The following DMP1 variants were observed in gnomAD, a reference collection of about 807,000 sequenced individuals.
The protein encoded by DMP1 is dentin matrix acidic phosphoprotein 1.
In DMP1, 20 loss-of-function variants were observed where a neutral mutation model predicts 14.6. The observed-to-expected ratio is 1.37, with a 90% CI of 0.96 to 1.99. The LOEUF (loss-of-function observed/expected upper bound fraction) is 1.99. Among genes scored for constraint, DMP1 ranks in the 30% most tolerant of loss-of-function variants. The probability of loss-of-function intolerance (pLI) is 0.00; values close to 1 mark genes in which losing one functional copy is unlikely to be tolerated. For synonymous variants in DMP1, 197 were observed against 215.3 expected (o/e 0.91, Z 0.75); for missense variants, 567 against 620.5 (o/e 0.91, Z 0.92).
chr4:87,659,118 C>A, intron 3 of DMP1, 102 bp from the exon 4 acceptor site: 1 of 1,247,062 alleles, frequency 8.0e-7, no homozygotes, highest in Non-Finnish European at 1.2e-6. Context: ...AGATCTCTAC[C>A]AAGAAACTAA....
intron 5 of DMP1, 142 bp downstream of exon 5, chr4:87,659,620 G>A: frequency 2.4e-6 from 2 of 838,904 alleles, no homozygotes; most frequent in Admixed American, 2.1e-5. Context: ...TATAAAGTAA[G>A]AAGAGAAAAA....
intron 1 of DMP1, among the ~76,000 whole-genome samples, chr4:87,651,424 T>A (rs1348844403): frequency 6.6e-6 from 1 of 152,154 alleles, no homozygotes; most frequent in African/African-American, 2.4e-5. Context: ...GAATTGGATT[T>A]TTTTTTGGTT....
In DMP1 at chr4:87,663,485, C is replaced by G. The variant is rs1578156943; in HGVS notation, c.*165C>G. The G allele has an allele frequency of 9.9e-6, 10 of 1,012,130 alleles. No homozygotes were observed. In the East Asian group the frequency reaches 1.5e-4, roughly 16 times the overall value. The allele number at this position is 1,012,130 out of a possible 1,614,324, so 62.7% of individuals were successfully genotyped here. ...ATTACACTTGTTTTTAGGGTGTCAT[C>G]ATTTCACAGAGGTTTAAATACTGTG... On this transcript the variant is annotated 3_prime_UTR_variant, in exon 6 of 6. Transcript: ENST00000339673.
rs1728701529 is a variant in DMP1, at chr4:87,656,548, T to C, written c.54+2T>C. On this transcript the variant is annotated splice_donor_variant, in intron 2 of 5. Coordinates refer to ENST00000339673, the MANE Select transcript of DMP1 (RefSeq NM_004407.4). LOFTEE classifies it high-confidence loss of function. ...TGGGGATTATCCTGTGCTCTCCCAG[T>C]AAGTATTAGGGTAGGGATATATGAA... 6.3e-7 allele frequency: 1 copy of C among 1,598,476 alleles called. No homozygotes were observed. Among genetic ancestry groups the C allele is most frequent in the Non-Finnish European group, 8.6e-7 (1 of 1,165,854 alleles).
chr4:87,661,357 G>A (rs1387148870), intron 5 of DMP1, among the ~76,000 whole-genome samples: 2 of 151,922 alleles, frequency 1.3e-5, no homozygotes, highest in Non-Finnish European at 2.9e-5. Context: ...GAGTAGCTGG[G>A]ACTACAGGCG....
chr4:87,660,412 G>A (rs1728826743), intron 5 of DMP1, among the ~76,000 whole-genome samples: 1 of 152,090 alleles, frequency 6.6e-6, no homozygotes, highest in Non-Finnish European at 1.5e-5. Context: ...GGGTTAACGA[G>A]GTATGGCAGG....
At chr4:87,656,931 G>A in intron 2 of DMP1, 101 bp from the exon 3 acceptor site, 1 of 783,092 alleles carries the variant, frequency 1.3e-6, no homozygotes, top group Non-Finnish European at 2.3e-6. Context: ...TTCTGATGCA[G>A]CCTAAAATTT....
At position 87,656,559 on chromosome 4, in the gene DMP1, G is replaced by A. The variant is rs1314667888; in HGVS notation, c.54+13G>A. 1 of 1,582,420 alleles carries A rather than the reference G, an allele frequency of 6.3e-7. No individual in the cohort carries two copies. The highest frequency in any genetic ancestry group is 1.1e-5 in the South Asian group (1 of 90,422). On this transcript the variant is annotated intron_variant, in intron 2 of 5. Transcript: ENST00000339673. Reference sequence around the variant, plus strand: ...CTGTGCTCTCCCAGTAAGTATTAGGGTAGGGATATATGAAAAAACCCTTTC... The same window carrying A: ...CTGTGCTCTCCCAGTAAGTATTAGGATAGGGATATATGAAAAAACCCTTTC...
intron 3 of DMP1, 81 bp from the exon 4 acceptor site, chr4:87,659,139 C>T (rs546302285): frequency 4.2e-6 from 6 of 1,422,924 alleles, no homozygotes; most frequent in Non-Finnish European, 5.9e-6. Context: ...AAATAATAAC[C>T]TAAAATTATT....
chr4:87,659,862 G>C (rs1728809164), intron 5 of DMP1, among the ~76,000 whole-genome samples: 1 of 152,176 alleles, frequency 6.6e-6, no homozygotes, highest in African/African-American at 2.4e-5. Flanking sequence ...GTGCCTGGGA[G>C]CTTCTATGTG....
chr4:87,659,167 T>A, intron 3 of DMP1, 53 bp from the exon 4 acceptor site: 1 of 1,562,234 alleles, frequency 6.4e-7, no homozygotes, highest in African/African-American at 1.4e-5. Context: ...ATTACAATAA[T>A]GAAATCCATC....
At chr4:87,655,167 G>A (rs565054638) in intron 1 of DMP1, among the ~76,000 whole-genome samples, 3 of 152,246 alleles carry the variant, frequency 2.0e-5, no homozygotes, top group African/African-American at 4.8e-5. Context: ...ATCGACAAAC[G>A]TGAAATAAAC....
chr4:87,661,340 G>C (rs1240947515), intron 5 of DMP1, among the ~76,000 whole-genome samples: 2 of 147,852 alleles, frequency 1.4e-5, no homozygotes, highest in Non-Finnish European at 3.0e-5. Context: ...TCCTGCCTCA[G>C]CCTCCGGAGT....
At chr4:87,653,110 A>C (rs1275665069) in intron 1 of DMP1, among the ~76,000 whole-genome samples, 1 of 151,048 alleles carries the variant, frequency 6.6e-6, no homozygotes, top group Non-Finnish European at 1.5e-5. Flanking sequence ...AGAAATTAAG[A>C]TAGTATCAAA....
rs886059685 is a variant in DMP1, at chr4:87,662,067, A to G, written c.289A>G (p.Lys97Glu). The change falls in exon 6 of 6, where the codon AAA (lysine) becomes GAA (glutamate). Residue 97 changes from lysine to glutamate, a missense_variant. Transcript: ENST00000339673. Reference protein sequence around the residue: ...LAGGFSRSTGKGGDDKDDDED... With the variant: ...LAGGFSRSTGEGGDDKDDDED... Reference sequence around the variant, plus strand: ...TGGTGGCTTCTCCAGGAGCACAGGAAAAGGAGGAGATGATAAAGATGACGA... The same window carrying G: ...TGGTGGCTTCTCCAGGAGCACAGGAGAAGGAGGAGATGATAAAGATGACGA... 7 of 1,614,198 alleles carry G rather than the reference A, an allele frequency of 4.3e-6. No individual in the cohort carries two copies. In the South Asian group the frequency reaches 7.7e-5, roughly 18 times the overall value.
intron 3 of DMP1, 73 bp from the exon 4 acceptor site, chr4:87,659,147 A>C: frequency 6.8e-7 from 1 of 1,462,928 alleles, no homozygotes; most frequent in Non-Finnish European, 9.6e-7. Flanking sequence ...ACCTAAAATT[A>C]TTGTAAATAA....
At chr4:87,656,280 G>A (rs1728688374) in intron 1 of DMP1, among the ~76,000 whole-genome samples, 192 bp from the exon 2 acceptor site, 1 of 152,120 alleles carries the variant, frequency 6.6e-6, no homozygotes, top group Admixed American at 6.6e-5. Flanking sequence ...CCTCTACTCT[G>A]CAGCACATGT....
rs556512826 is a variant in DMP1 at position 87,662,049 on chromosome 4, T to C, written c.271T>C (p.Phe91Leu). 1.2e-6 allele frequency: 2 copies of C among 1,614,216 alleles called. No individual in the cohort carries two copies. Among genetic ancestry groups the C allele is most frequent in the South Asian group, 2.2e-5 (2 of 91,086 alleles). The stretch of plus-strand genomic sequence containing the variant: ...ATACATTTATAGGCTAGCTGGTGGC[T>C]TCTCCAGGAGCACAGGAAAAGGAGG... ...HQYIYRLAGG[F>L]SRSTGKGGDD... is the part of the protein sequence containing the mutation. Residue 91 changes from phenylalanine to leucine, a missense_variant, in exon 6 of 6, where the codon TTC becomes CTC. By Grantham distance (22) the Phe-to-Leu change is conservative. Coordinates refer to ENST00000339673, the MANE Select transcript of DMP1 (RefSeq NM_004407.4).
chr4:87,663,008 G>A lies in DMP1; in HGVS notation c.1230G>A (p.Glu410=), dbSNP rs2615497. 0.24 allele frequency: 394,612 copies of A among 1,613,756 alleles called. 50,444 individuals are homozygous for A. The highest frequency in any genetic ancestry group is 0.4 in the African/African-American group (30,314 of 74,928). The change falls in exon 6 of 6, where the codon GAG becomes GAA. Residue 410 remains glutamate, a synonymous_variant. Coordinates refer to ENST00000339673, the MANE Select transcript of DMP1 (RefSeq NM_004407.4). Reference sequence around the variant, plus strand: ...AGCAAGCAGACAGCGAATCCAGTGAGAGCCTCAACTTCTCAGAGGAAAGCC... The same window carrying A: ...AGCAAGCAGACAGCGAATCCAGTGAAAGCCTCAACTTCTCAGAGGAAAGCC... The part of the protein sequence containing the change: ...REEQADSESS[E]SLNFSEESPE...
Sources: gnomAD v4.1 joint callset for allele counts (sites outside exome capture counted in the v4.1 genomes callset) on GRCh38, gnomAD v4.1.1 for gene constraint, MANE v1.5 for transcripts, NCBI Gene and HGNC (gene_info 2026-07-23, HGNC 2026-07-21) for gene names.